The following UBAC1 variants were observed in gnomAD, a reference collection of about 807,000 sequenced individuals.
The protein encoded by UBAC1 is ubiquitin-associated domain-containing protein 1.
A neutral mutation model predicts 45.9 loss-of-function variants in UBAC1; 27 were observed. The observed-to-expected ratio is 0.59, with a 90% CI of 0.43 to 0.81. The LOEUF is 0.81. Among genes scored for constraint, UBAC1 ranks in the 30% least tolerant of loss-of-function variants. UBAC1 has a pLI of 0.00. For missense variants in UBAC1, 529 were observed against 539.2 expected (o/e 0.98, Z 0.19); for synonymous variants, 227 against 215.5 (o/e 1.05, Z -0.47).
rs1839534033 is a variant in UBAC1, at chr9:135,961,268, T to G, written c.-106A>C. On this transcript the variant is annotated 5_prime_UTR_variant, in exon 1 of 10. Transcript: ENST00000371756. ...CCAGACCGCCCGCGCGCTCCTTCGC[T>G]GGGCCGCCGCCCCGCCCCGGCTCCC... The G allele has an allele frequency of 9.7e-7, 1 of 1,029,454 alleles. No homozygotes were observed. The highest frequency in any genetic ancestry group is 1.7e-5 in the African/African-American group (1 of 58,538). 63.8% of individuals were successfully genotyped at this position (1,029,454 alleles called of 1,614,324 possible). A position where few individuals can be genotyped will look rare whatever the true frequency, so the allele number is the denominator to read the frequency against.
At chr9:135,943,781 T>A (rs1839295569) in intron 7 of UBAC1, among the ~76,000 whole-genome samples, 1 of 152,202 alleles carries the variant, frequency 6.6e-6, no homozygotes, top group African/African-American at 2.4e-5. Context: ...CATGGAATAC[T>A]ATGCAGCCAT....
Position 135,955,283 on chromosome 9 carries a change from C to G in UBAC1, c.259+12G>C. ...TGCCTGCTGCCAACCCGCCCGCCCA[C>G]AGCAGCCTTACCTTGGTCCTGGATG... On this transcript the variant is annotated intron_variant, in intron 2 of 9. Coordinates refer to ENST00000371756, the MANE Select transcript of UBAC1 (RefSeq NM_016172.3). 1 of 1,550,954 alleles carries G rather than the reference C, an allele frequency of 6.4e-7. No individual in the cohort carries two copies. Among genetic ancestry groups the G allele is most frequent in the Non-Finnish European group, 8.7e-7 (1 of 1,152,346 alleles).
intron 1 of UBAC1, among the ~76,000 whole-genome samples, chr9:135,956,241 C>A (rs924524645): frequency 6.6e-6 from 1 of 152,188 alleles, no homozygotes; most frequent in African/African-American, 2.4e-5. Context: ...TTGGAGCAGA[C>A]GGCCATGACC....
At chr9:135,948,438 G>A (rs1310230634) in intron 3 of UBAC1, among the ~76,000 whole-genome samples, 1 of 152,282 alleles carries the variant, frequency 6.6e-6, no homozygotes, top group African/African-American at 2.4e-5. Flanking sequence ...GCCAAGAGCA[G>A]AGCATGGACG....
rs1357774589 is a variant in UBAC1, at chr9:135,939,744, T to TCAGGGAAATGACGGCCTAGAGGACAG, written c.877-11_891dup (p.Met298LeufsTer9). The TCAGGGAAATGACGGCCTAGAGGACAG allele has an allele frequency of 6.2e-7, 1 of 1,613,816 alleles. No individual in the cohort carries two copies. The highest frequency in any genetic ancestry group is 8.5e-7 in the Non-Finnish European group (1 of 1,179,746). On this transcript the variant is annotated frameshift_variant, in exon 8 of 10. Coordinates refer to ENST00000371756, the MANE Select transcript of UBAC1 (RefSeq NM_016172.3). LOFTEE classifies it high-confidence loss of function. ...TCTTTCTCGTCGAACCCCATCTCCA[T>TCAGGGAAATGACGGCCTAGAGGACAG]CAGGGAAATGACGGCCTAGAGGACA... is the stretch of plus-strand genomic sequence containing the variant.
chr9:135,939,684 G>A lies in UBAC1; in HGVS notation c.952C>T (p.Gln318Ter). 1 of 1,613,428 alleles carries A rather than the reference G, an allele frequency of 6.2e-7. No homozygotes were observed. The highest frequency in any genetic ancestry group is 8.5e-7 in the Non-Finnish European group (1 of 1,179,612). The change falls in exon 8 of 10, where the codon CAG becomes TAG. Residue 318 changes from glutamine (Q) to a stop codon, truncating the protein, a stop_gained. Transcript: ENST00000371756. LOFTEE classifies it high-confidence loss of function. ...IDALRVNNNQQNAACEWLLGD... is the reference protein window; with the variant it reads ...IDALRVNNNQ ...AGCCCAACACTCACCGCGGCATTCT[G>A]CTGGTTGTTGTTCACTCTGAGGGCA...
At chr9:135,934,791 G>A (rs1269792060) in intron 9 of UBAC1, among the ~76,000 whole-genome samples, 1 of 152,202 alleles carries the variant, frequency 6.6e-6, no homozygotes, top group African/African-American at 2.4e-5. Flanking sequence ...AATAAATTCT[G>A]GAAGGATGAA....
At chr9:135,958,764 G>A (rs7868264) in intron 1 of UBAC1, among the ~76,000 whole-genome samples, 105,711 of 151,950 alleles carry the variant, frequency 0.7, 36,877 homozygotes, top group East Asian at 0.77. Flanking sequence ...AACGCATTCT[G>A]GCCCTGCCTG....
intron 7 of UBAC1, among the ~76,000 whole-genome samples, chr9:135,940,281 A>AG (rs1324820569): frequency 2.9e-5 from 1 of 34,030 alleles, no homozygotes; most frequent in Non-Finnish European, 6.6e-5. Flanking sequence ...TTTATCTTAG[A>AG]AAAAAAAAAA....
chr9:135,938,382 T>C (rs1361990260), intron 8 of UBAC1, 22 bp from the exon 9 acceptor site: 1 of 1,610,384 alleles, frequency 6.2e-7, no homozygotes, highest in Non-Finnish European at 8.5e-7. Flanking sequence ...AGAGCACCAA[T>C]ACCACTGTTA....
chr9:135,952,619 C>G (rs1445203921), intron 3 of UBAC1, among the ~76,000 whole-genome samples: 1 of 152,252 alleles, frequency 6.6e-6, no homozygotes, highest in Non-Finnish European at 1.5e-5. Flanking sequence ...AATGTAAACA[C>G]CAACGACATC....
chr9:135,943,898 C>T (rs1046114161), intron 7 of UBAC1, among the ~76,000 whole-genome samples: 1 of 152,168 alleles, frequency 6.6e-6, no homozygotes, highest in African/African-American at 2.4e-5. Context: ...CATGTTCTCA[C>T]TTATAAGTGG....
intron 3 of UBAC1, among the ~76,000 whole-genome samples, chr9:135,952,777 T>C (rs549692003): frequency 6.6e-6 from 1 of 152,338 alleles, no homozygotes; most frequent in African/African-American, 2.4e-5. Flanking sequence ...ATATTTGCAT[T>C]CCAAATAATC....
chr9:135,948,504 C>T (rs553216045), intron 3 of UBAC1, among the ~76,000 whole-genome samples: 3 of 152,386 alleles, frequency 2.0e-5, no homozygotes, highest in South Asian at 2.1e-4. Context: ...AGGAGCGAGC[C>T]TCAGGAGCTA....
chr9:135,938,207 A>G lies in UBAC1; in HGVS notation c.1102+15T>C. On this transcript the variant is annotated intron_variant, in intron 9 of 9. Coordinates refer to ENST00000371756, the MANE Select transcript of UBAC1 (RefSeq NM_016172.3). ...CTCCCCGACCCGAGACTTAGCATAA[A>G]GAAGGCGCACATACCTAGCAATGTT... is the stretch of plus-strand genomic sequence containing the variant. 1.9e-6 allele frequency: 3 copies of G among 1,612,500 alleles called. No individual in the cohort carries two copies. The highest frequency in any genetic ancestry group is 2.5e-6 in the Non-Finnish European group (3 of 1,179,218).
intron 1 of UBAC1, 41 bp downstream of exon 1, chr9:135,960,984 C>A: frequency 6.9e-7 from 1 of 1,446,388 alleles, no homozygotes; most frequent in Non-Finnish European, 9.1e-7. Flanking sequence ...CGGAGGGGTC[C>A]GGAGCGGGTG....
chr9:135,958,662 C>T (rs1244118124), intron 1 of UBAC1, among the ~76,000 whole-genome samples: 1 of 152,176 alleles, frequency 6.6e-6, no homozygotes, highest in Non-Finnish European at 1.5e-5. Flanking sequence ...AAAACAGACA[C>T]CAGACCTCAC....
chr9:135,955,278 G>C lies in UBAC1; in HGVS notation c.259+17C>G. On this transcript the variant is annotated intron_variant, in intron 2 of 9. Coordinates refer to ENST00000371756, the MANE Select transcript of UBAC1 (RefSeq NM_016172.3). ...CACGATGCCTGCTGCCAACCCGCCC[G>C]CCCACAGCAGCCTTACCTTGGTCCT... is the stretch of plus-strand genomic sequence containing the variant. The C allele has an allele frequency of 6.5e-7, 1 of 1,538,350 alleles. No homozygotes were observed. Among genetic ancestry groups the C allele is most frequent in the South Asian group, 1.3e-5 (1 of 79,260 alleles).
chr9:135,944,891 T>C, intron 7 of UBAC1, 137 bp downstream of exon 7: 2 of 886,986 alleles, frequency 2.3e-6, no homozygotes, highest in South Asian at 3.8e-5. Flanking sequence ...GTAAACCCCT[T>C]CCCCAGCTTC....
Sources: allele counts gnomAD v4.1 joint callset (sites outside exome capture counted in the v4.1 genomes callset), GRCh38; gene constraint gnomAD v4.1.1; transcripts MANE v1.5; gene names NCBI Gene and HGNC (gene_info 2026-07-23, HGNC 2026-07-21).